JMJD1C: variants seen among roughly 807,000 people sequenced by gnomAD.
JMJD1C encodes the protein jumonji domain-containing protein 1C.
Under a neutral mutation model 245.3 loss-of-function variants are expected in JMJD1C, and 31 were observed. The observed-to-expected ratio is 0.13, with a 90% CI of 0.09 to 0.17. The LOEUF is 0.17. JMJD1C is among the 10% of genes least tolerant of loss of function. JMJD1C has a pLI of 1.00. For synonymous variants in JMJD1C, 1,057 were observed against 1,017.4 expected, an observed-to-expected ratio of 1.04 and a Z score of -0.74; for missense variants, 2,691 against 3,000.2, an observed-to-expected ratio of 0.90 and a Z score of 2.41.
At chr10:63,185,194 G>C (rs974465335) in intron 20 of JMJD1C, among the ~76,000 whole-genome samples, 1 of 152,170 alleles carries the variant, frequency 6.6e-6, no homozygotes, top group Non-Finnish European at 1.5e-5. Flanking sequence ...TCAGTGGCAC[G>C]ATCTCAGCTC....
intron 3 of JMJD1C, among the ~76,000 whole-genome samples, chr10:63,231,480 C>T (rs1478577055): frequency 1.3e-5 from 2 of 152,134 alleles, no homozygotes; most frequent in East Asian, 1.9e-4. Flanking sequence ...AGGGCCTATA[C>T]AGGAACTGCA....
intron 2 of JMJD1C, among the ~76,000 whole-genome samples, chr10:63,286,422 T>C (rs951594167): frequency 6.6e-6 from 1 of 152,190 alleles, no homozygotes; most frequent in Non-Finnish European, 1.5e-5. Flanking sequence ...GTGAACACGG[T>C]TAAGAACACC....
chr10:63,280,318 G>T (rs117600971), intron 2 of JMJD1C, among the ~76,000 whole-genome samples: 2 of 152,040 alleles, frequency 1.3e-5, no homozygotes, highest in East Asian at 1.9e-4. Flanking sequence ...GGGAGACTGC[G>T]GTGGACGGAT....
chr10:63,319,673 T>A (rs937090354), intron 2 of JMJD1C, among the ~76,000 whole-genome samples: 1 of 152,218 alleles, frequency 6.6e-6, no homozygotes, highest in African/African-American at 2.4e-5. Flanking sequence ...GCTATTTCCT[T>A]GTCCTTTTAT....
At chr10:63,392,271 AG>A (rs1371190854) in intron 1 of JMJD1C, among the ~76,000 whole-genome samples, 1 of 152,226 alleles carries the variant, frequency 6.6e-6, no homozygotes, top group Non-Finnish European at 1.5e-5. Flanking sequence ...AACTACTAGA[AG>A]AAAACAAAGG....
At chr10:63,189,606 G>C (rs1024250125) in intron 17 of JMJD1C, among the ~76,000 whole-genome samples, 160 bp from the exon 18 acceptor site, 10 of 152,086 alleles carry the variant, frequency 6.6e-5, no homozygotes, top group Admixed American at 6.6e-4. Context: ...ATGCAAACCA[G>C]AAGTCTGGTT....
intron 3 of JMJD1C, among the ~76,000 whole-genome samples, chr10:63,231,944 TC>T (rs1850069942): frequency 6.6e-6 from 1 of 152,030 alleles, no homozygotes; most frequent in South Asian, 2.1e-4. Flanking sequence ...TTCAAGCAAT[TC>T]TCCTGCCTCA....
chr10:63,317,675 C>G (rs1287636153), intron 2 of JMJD1C, among the ~76,000 whole-genome samples: 10 of 152,110 alleles, frequency 6.6e-5, no homozygotes, highest in Non-Finnish European at 1.5e-5. Flanking sequence ...GCCTCCTTGT[C>G]CTTGCACCCT....
At chr10:63,515,619 T>TCGC (rs991108339) in intron 1 of JMJD1C, among the ~76,000 whole-genome samples, 1 of 152,210 alleles carries the variant, frequency 6.6e-6, no homozygotes, top group Non-Finnish European at 1.5e-5. Context: ...TATCCAGCTG[T>TCGC]CTGTCTCTCC....
rs972576267 is a variant in JMJD1C at position 63,178,255 on chromosome 10, A to C, written c.7085-399T>G. Among the ~76,000 whole-genome samples, 4 of 152,160 alleles carry C rather than the reference A, an allele frequency of 2.6e-5. No individual in the cohort carries two copies. The South Asian group carries it at 8.3e-4, about 31-fold the overall frequency. On this transcript the variant is annotated intron_variant, in intron 22 of 25. Coordinates refer to ENST00000399262, the MANE Select transcript of JMJD1C (RefSeq NM_032776.3). ...TGTCCCTGGCCAGATCAGTACTCTTAAAAAAGAGTCAAACACAGTTATATG... is the reference window on the plus strand; with the variant it reads ...TGTCCCTGGCCAGATCAGTACTCTTCAAAAAGAGTCAAACACAGTTATATG...
intron 16 of JMJD1C, among the ~76,000 whole-genome samples, chr10:63,191,630 T>C (rs930193836): frequency 1.6e-4 from 25 of 152,136 alleles, no homozygotes; most frequent in African/African-American, 6.0e-4. Context: ...CCTTCCTCAA[T>C]ATTTAAGACA....
At chr10:63,465,044 A>G (rs1319890256) in intron 1 of JMJD1C, among the ~76,000 whole-genome samples, 1 of 152,236 alleles carries the variant, frequency 6.6e-6, no homozygotes, top group Non-Finnish European at 1.5e-5. Flanking sequence ...TTACAGGATA[A>G]GTTTTAAGTC....
chr10:63,356,781 AGGATACCCCT>A (rs1944880886), intron 2 of JMJD1C, among the ~76,000 whole-genome samples: 1 of 152,204 alleles, frequency 6.6e-6, no homozygotes, highest in African/African-American at 2.4e-5. Flanking sequence ...CTGTTAGCTA[AGGATACCCCT>A]GGGAAATACA....
chr10:63,452,665 G>A (rs1329619048), intron 1 of JMJD1C, among the ~76,000 whole-genome samples: 2 of 152,128 alleles, frequency 1.3e-5, no homozygotes, highest in African/African-American at 4.8e-5. Context: ...CCAAAAGGTA[G>A]AAGCAATCCT....
intron 2 of JMJD1C, among the ~76,000 whole-genome samples, chr10:63,308,496 G>A (rs1468906678): frequency 1.3e-5 from 2 of 151,432 alleles, no homozygotes; most frequent in Admixed American, 6.6e-5. Flanking sequence ...AAGAATAAGA[G>A]CAACATGTAG....
At chr10:63,193,562 G>T in intron 14 of JMJD1C, 90 bp from the exon 15 acceptor site, 4 of 772,438 alleles carry the variant, frequency 5.2e-6, no homozygotes, top group South Asian at 2.4e-5. Context: ...TATTATAATT[G>T]GGAATAACGG....
intron 2 of JMJD1C, among the ~76,000 whole-genome samples, chr10:63,301,172 C>T (rs1447709296): frequency 3.3e-5 from 5 of 152,244 alleles, no homozygotes; most frequent in Admixed American, 6.5e-5. Flanking sequence ...TGTACCATCA[C>T]GCCTGGCTAA....
intron 1 of JMJD1C, among the ~76,000 whole-genome samples, chr10:63,492,721 A>T (rs960069211): frequency 7.9e-5 from 12 of 152,192 alleles, no homozygotes; most frequent in Admixed American, 7.2e-4. Flanking sequence ...ATTATTTTTA[A>T]AAAGCACATT....
chr10:63,291,443 G>A (rs1183646706), intron 2 of JMJD1C, among the ~76,000 whole-genome samples: 3 of 149,774 alleles, frequency 2.0e-5, no homozygotes, highest in South Asian at 2.1e-4. Context: ...GTAAAACCCC[G>A]TCTCTACTAA....
Sources: gnomAD v4.1 joint callset for allele counts (sites outside exome capture counted in the v4.1 genomes callset) on GRCh38, gnomAD v4.1.1 for gene constraint, MANE v1.5 for transcripts, NCBI Gene and HGNC (gene_info 2026-07-23, HGNC 2026-07-21) for gene names.